HACL1: variants seen among roughly 807,000 people sequenced by gnomAD.
The protein encoded by HACL1 is 2-hydroxyacyl-CoA lyase 1.
A neutral mutation model predicts 74.2 loss-of-function variants in HACL1; 64 were observed. The ratio of observed to expected loss-of-function variants is 0.86; its 90% CI spans 0.70 to 1.06. HACL1 has a LOEUF of 1.06. Ranked by LOEUF, HACL1 falls within the 50% of genes least tolerant of loss-of-function variation. The probability of loss-of-function intolerance (pLI) is 0.00; values close to 1 mark genes in which losing one functional copy is unlikely to be tolerated. For missense variants in HACL1, 728 were observed against 719.7 expected, an observed-to-expected ratio of 1.01 and a Z score of -0.13; for synonymous variants, 230 against 238.8, an observed-to-expected ratio of 0.96 and a Z score of 0.34.
chr3:15,592,997 CATGTGTGCGTGTATACACATGTACGCAT>C (rs1487030640), intron 3 of HACL1, among the ~76,000 whole-genome samples: 2,576 of 60,666 alleles, frequency 0.042, 39 homozygotes, highest in South Asian at 0.079. Flanking sequence ...CATGTACGCA[CATGTGTGCGTGTATACACATGTACGCAT>C]ATGTACATAT....
At position 15,579,991 on chromosome 3, in the gene HACL1, T is replaced by C. The variant is rs781657840; in HGVS notation, c.722A>G (p.Lys241Arg). 1 of 1,609,876 alleles carries C rather than the reference T, an allele frequency of 6.2e-7. No homozygotes were observed. The highest frequency in any genetic ancestry group is 8.5e-7 in the Non-Finnish European group (1 of 1,176,188). The change falls in exon 9 of 17, where the codon AAA (lysine) becomes AGA (arginine). Residue 241 changes from lysine (K) to arginine (R), a missense_variant. By Grantham distance (26) the Lys-to-Arg change is conservative (BLOSUM62 2). Transcript: ENST00000321169. ...ESIKKLVEQYKLPFLPTPMGK... is the reference protein window; with the variant it reads ...ESIKKLVEQYRLPFLPTPMGK... Reference sequence around the variant, plus strand: ...CATAGGGGTGGGCAAAAATGGCAGTTTATATTGCTCCACCAATTTCTTGAT... The same window carrying C: ...CATAGGGGTGGGCAAAAATGGCAGTCTATATTGCTCCACCAATTTCTTGAT...
intron 9 of HACL1, among the ~76,000 whole-genome samples, chr3:15,575,702 T>C (rs2063613372): frequency 6.6e-6 from 1 of 152,226 alleles, no homozygotes; most frequent in East Asian, 1.9e-4. Flanking sequence ...CCACTGCACC[T>C]GACTAATTTT....
rs527321670 is a variant in HACL1, at chr3:15,601,355, C to A, written c.81+28G>T. The A allele has an allele frequency of 7.9e-5, 127 of 1,613,544 alleles. 1 individual carries two copies. In the South Asian group the frequency reaches 1.3e-3, roughly 16 times the overall value. ...CGGTCCCCGCCAGCTTCCGTAGGAG[C>A]CTTTCATTCCAGGAAGGTCCATCGT... On this transcript the variant is annotated intron_variant, in intron 1 of 16. Coordinates refer to ENST00000321169, the MANE Select transcript of HACL1 (RefSeq NM_012260.4).
intron 15 of HACL1, 40 bp downstream of exon 15, chr3:15,564,511 G>T (rs1236412973): frequency 1.1e-6 from 1 of 873,230 alleles, no homozygotes; most frequent in Non-Finnish European, 1.9e-6. Flanking sequence ...GATTAAAACG[G>T]GAAAGAGAAA....
chr3:15,564,767 GTAT>G, intron 14 of HACL1, 109 bp from the exon 15 acceptor site: 1 of 562,626 alleles, frequency 1.8e-6, no homozygotes, highest in East Asian at 3.0e-5. Flanking sequence ...TAAGCTTTTT[GTAT>G]TATTAGAGGA....
At chr3:15,590,718 C>T (rs763577344) in intron 4 of HACL1, among the ~76,000 whole-genome samples, 2 of 152,206 alleles carry the variant, frequency 1.3e-5, no homozygotes, top group Non-Finnish European at 2.9e-5. Flanking sequence ...TAATTCTTCA[C>T]TTAAAGTAAA....
rs1293018755 is a variant in HACL1 at position 15,587,895 on chromosome 3, TTATG to T, written c.382-1297_382-1294del. Among the ~76,000 whole-genome samples the T allele has an allele frequency of 2.0e-5, 3 of 152,172 alleles. No homozygotes were observed. The East Asian group carries it at 5.8e-4, about 29-fold the overall frequency. The stretch of plus-strand genomic sequence containing the variant: ...AATAGACTTTGTCTAATGATTTTAT[TTATG>T]TATTTATTTTTGAGATGGAGTTTCA... On this transcript the variant is annotated intron_variant, in intron 5 of 16. Coordinates refer to ENST00000321169, the MANE Select transcript of HACL1 (RefSeq NM_012260.4).
chr3:15,580,281 C>T (rs1435203135), intron 8 of HACL1, among the ~76,000 whole-genome samples: 1 of 152,156 alleles, frequency 6.6e-6, no homozygotes, highest in Non-Finnish European at 1.5e-5. Flanking sequence ...ACACACATCA[C>T]CACCGCACTC....
chr3:15,585,487 G>A (rs1201691025), intron 6 of HACL1, 145 bp from the exon 7 acceptor site: 5 of 577,730 alleles, frequency 8.7e-6, no homozygotes, highest in South Asian at 4.5e-5. Flanking sequence ...GATGAAAATC[G>A]AAATGTCCTC....
At chr3:15,581,271 A>C (rs760282332) in intron 8 of HACL1, among the ~76,000 whole-genome samples, 1 of 152,216 alleles carries the variant, frequency 6.6e-6, no homozygotes, top group Admixed American at 6.5e-5. Flanking sequence ...TGATGACATT[A>C]AAAATACCTT....
chr3:15,601,349 T>A (rs778419466), intron 1 of HACL1, 34 bp downstream of exon 1: 1 of 1,613,278 alleles, frequency 6.2e-7, no homozygotes, highest in Non-Finnish European at 8.5e-7. Flanking sequence ...CCAGCTTCCG[T>A]AGGAGCCTTT....
intron 2 of HACL1, among the ~76,000 whole-genome samples, chr3:15,598,060 T>C (rs1217582019): frequency 6.6e-6 from 1 of 151,912 alleles, no homozygotes; most frequent in African/African-American, 2.4e-5. Context: ...GTTTCGCTCT[T>C]GTTGCCCAGG....
In HACL1 at chr3:15,570,994, T is replaced by C. The variant is rs139453921; in HGVS notation, c.1095+674A>G. On this transcript the variant is annotated intron_variant, in intron 12 of 16. Coordinates refer to ENST00000321169, the MANE Select transcript of HACL1 (RefSeq NM_012260.4). Reference sequence around the variant, plus strand: ...CTTAATAGTTAATTTGTTTTTCTTTTAGAGACAGGTTCTCACTCTGTCACC... The same window carrying C: ...CTTAATAGTTAATTTGTTTTTCTTTCAGAGACAGGTTCTCACTCTGTCACC... Among the ~76,000 whole-genome samples, 1,430 of 152,160 alleles carry C rather than the reference T, an allele frequency of 9.4e-3. 12 individuals are homozygous for C. The highest frequency in any genetic ancestry group is 0.017 in the Admixed American group (265 of 15,296).
chr3:15,592,301 T>C (rs564530428), intron 3 of HACL1, among the ~76,000 whole-genome samples: 1 of 148,864 alleles, frequency 6.7e-6, no homozygotes, highest in East Asian at 2.0e-4. Flanking sequence ...TATACATACG[T>C]ATATATATGT....
intron 11 of HACL1, among the ~76,000 whole-genome samples, chr3:15,572,614 GACA>G (rs1408100375): frequency 2.0e-5 from 3 of 152,186 alleles, no homozygotes; most frequent in Admixed American, 1.3e-4. Context: ...GTGTAATCAT[GACA>G]ACAATACCAA....
At chr3:15,571,166 C>A (rs1333280729) in intron 12 of HACL1, among the ~76,000 whole-genome samples, 1 of 151,024 alleles carries the variant, frequency 6.6e-6, no homozygotes, top group Non-Finnish European at 1.5e-5. Flanking sequence ...TTTGTAGAGA[C>A]AAGGTCTTGC....
chr3:15,578,054 C>T (rs1392523308), intron 9 of HACL1, among the ~76,000 whole-genome samples: 5 of 145,700 alleles, frequency 3.4e-5, no homozygotes, highest in East Asian at 2.0e-4. Context: ...ACCAAGATCG[C>T]GCCACTGCAC....
chr3:15,576,024 T>TA (rs747480006), intron 9 of HACL1, among the ~76,000 whole-genome samples: 111,338 of 111,716 alleles, frequency 1, 55,480 homozygotes, highest in Middle Eastern at 1. Context: ...GTTGTGGTGG[T>TA]GCGTGCCTGT....
chr3:15,601,389 T>A lies in HACL1; in HGVS notation c.75A>T (p.Lys25Asn), dbSNP rs769957337. The A allele has an allele frequency of 6.2e-7, 1 of 1,614,166 alleles. No homozygotes were observed. The highest frequency in any genetic ancestry group is 1.1e-5 in the South Asian group (1 of 91,092). ...CCAGGAAGGTCCATCGTACTTGCGTTTTCAGGGCCTGAGCGATGACTTTAG... is the reference window on the plus strand; with the variant it reads ...CCAGGAAGGTCCATCGTACTTGCGTATTCAGGGCCTGAGCGATGACTTTAG... The part of the protein sequence containing the change: ...SGAKVIAQAL[K>N]TQDVEYIFGI... The change falls in exon 1 of 17, where the codon AAA becomes AAT. Residue 25 changes from lysine (K) to asparagine (N), a missense_variant. Transcript: ENST00000321169.
Sources: gnomAD v4.1 joint callset for allele counts (sites outside exome capture counted in the v4.1 genomes callset) on GRCh38, gnomAD v4.1.1 for gene constraint, MANE v1.5 for transcripts, NCBI Gene and HGNC (gene_info 2026-07-23, HGNC 2026-07-21) for gene names.